USH2A: variants seen among roughly 807,000 people sequenced by gnomAD.
USH2A encodes usherin.
In USH2A, 443 loss-of-function variants were observed where a neutral mutation model predicts 538.9. That is an observed-to-expected ratio of 0.82 (90% CI 0.76 to 0.89). The LOEUF (loss-of-function observed/expected upper bound fraction) is 0.89. Ranked by LOEUF, USH2A falls within the 40% of genes least tolerant of loss-of-function variation. The pLI is 0.00. For missense variants in USH2A, 6,633 were observed against 6,324.8 expected (o/e 1.05, Z -1.65); for synonymous variants, 2,413 against 2,273.5 (o/e 1.06, Z -1.75).
At chr1:216,089,817 TA>T (rs576421594) in intron 22 of USH2A, among the ~76,000 whole-genome samples, 101 of 142,758 alleles carry the variant, frequency 7.1e-4, no homozygotes, top group African/African-American at 1.6e-3. Context: ...GAGGTAAGAA[TA>T]AAAAAAAAAA....
rs138222265 is a variant in USH2A at position 216,162,324 on chromosome 1, T to C, written c.4627+12928A>G. Among the ~76,000 whole-genome samples, 137 of 152,192 alleles carry C rather than the reference T, an allele frequency of 9.0e-4. 3 individuals are homozygous for C. In the East Asian group the frequency reaches 0.022, roughly 25 times the overall value. ...TTCATTTCAGGTATTTTACTTTACA[T>C]ACCATTTTTTCCTATTAATTACTGT... is the stretch of plus-strand genomic sequence containing the variant. On this transcript the variant is annotated intron_variant, in intron 21 of 71. Transcript: ENST00000307340.
At chr1:215,835,399 C>A (rs1446680593) in intron 47 of USH2A, among the ~76,000 whole-genome samples, 3 of 152,000 alleles carry the variant, frequency 2.0e-5, no homozygotes, top group Admixed American at 2.0e-4. Context: ...CTTTTGAGGG[C>A]AGAACTGGGA....
intron 67 of USH2A, 110 bp from the exon 68 acceptor site, chr1:215,640,844 C>CAAAA (rs56212994): frequency 7.5e-4 from 370 of 496,492 alleles, no homozygotes; most frequent in South Asian, 2.4e-3. Flanking sequence ...CCAATCCAAA[C>CAAAA]AAAAAAAAAA....
chr1:216,303,659 T>C (rs1177015836), intron 9 of USH2A, among the ~76,000 whole-genome samples: 1 of 152,004 alleles, frequency 6.6e-6, no homozygotes, highest in Non-Finnish European at 1.5e-5. Context: ...ATTTATATTA[T>C]TTGTTAATTA....
Position 215,741,798 on chromosome 1 carries a change from G to A in USH2A, c.11549-261C>T, listed in dbSNP as rs182983768. Among the ~76,000 whole-genome samples the A allele has an allele frequency of 9.6e-3, 1,457 of 152,136 alleles. 10 individuals carry two copies. The highest frequency in any genetic ancestry group is 0.016 in the Non-Finnish European group (1,106 of 67,964). On this transcript the variant is annotated intron_variant, in intron 59 of 71. Transcript: ENST00000307340. ...TTGTCTGGAAATAAGGAATAATAAG[G>A]AAACTTGTCTGAACTCAAGTTTCTC...
intron 61 of USH2A, among the ~76,000 whole-genome samples, chr1:215,715,220 C>T (rs1044665157): frequency 1.2e-4 from 18 of 152,250 alleles, no homozygotes; most frequent in African/African-American, 3.1e-4. Context: ...CTCCCACTTA[C>T]AAGTGAGAAC....
intron 61 of USH2A, among the ~76,000 whole-genome samples, chr1:215,707,313 CA>C (rs1457581805): frequency 1.3e-5 from 2 of 152,158 alleles, no homozygotes; most frequent in Non-Finnish European, 2.9e-5. Context: ...GCGCTTTAAT[CA>C]AAACAGCAGT....
chr1:215,740,879 A>T (rs1470670164), intron 60 of USH2A, among the ~76,000 whole-genome samples: 1 of 152,142 alleles, frequency 6.6e-6, no homozygotes, highest in Non-Finnish European at 1.5e-5. Flanking sequence ...TAGATCCCCC[A>T]CATGCGCAGT....
At chr1:215,666,785 T>C (rs1197501023) in intron 64 of USH2A, among the ~76,000 whole-genome samples, 2 of 152,158 alleles carry the variant, frequency 1.3e-5, no homozygotes, top group Non-Finnish European at 2.9e-5. Flanking sequence ...CTATCCAGGC[T>C]GCTTGTTAAA....
At position 215,888,755 on chromosome 1, in the gene USH2A, G is replaced by A. The variant is rs751512528; in HGVS notation, c.7894C>T (p.Leu2632=). Residue 2632 remains leucine (L), a synonymous_variant, in exon 41 of 72, where the codon CTG becomes TTG. Coordinates refer to ENST00000307340, the MANE Select transcript of USH2A (RefSeq NM_206933.4). ...GAPEGIPSPE[L]FSDTPTSVII... is the part of the protein sequence containing the mutation. ...ACAGATGTTGGAGTATCAGAGAACA[G>A]CTCTGGACTTGGGATCCCTTCCGGT... The A allele has an allele frequency of 6.2e-7, 1 of 1,614,152 alleles. No individual in the cohort carries two copies. The highest frequency in any genetic ancestry group is 1.7e-5 in the Admixed American group (1 of 60,018).
At chr1:215,946,695 G>C (rs991848905) in intron 37 of USH2A, among the ~76,000 whole-genome samples, 2 of 152,054 alleles carry the variant, frequency 1.3e-5, no homozygotes, top group African/African-American at 4.8e-5. Context: ...TCCACATATG[G>C]CTATTGAGCA....
At chr1:215,823,332 T>G (rs1663066682) in intron 47 of USH2A, among the ~76,000 whole-genome samples, 3 of 152,100 alleles carry the variant, frequency 2.0e-5, no homozygotes, top group Admixed American at 2.0e-4. Flanking sequence ...GGCATTTGTT[T>G]TTTTATTTCA....
intron 14 of USH2A, among the ~76,000 whole-genome samples, 161 bp downstream of exon 14, chr1:216,231,792 A>T (rs1277169850): frequency 6.6e-6 from 1 of 152,120 alleles, no homozygotes; most frequent in Non-Finnish European, 1.5e-5. Flanking sequence ...GGACCTCGTG[A>T]TCCGCCTGCC....
chr1:215,710,673 G>A (rs1442685484), intron 61 of USH2A, among the ~76,000 whole-genome samples: 1 of 152,046 alleles, frequency 6.6e-6, no homozygotes, highest in East Asian at 1.9e-4. Flanking sequence ...TTTCCGTTCA[G>A]AAACATTTAC....
intron 3 of USH2A, among the ~76,000 whole-genome samples, chr1:216,405,449 AG>A (rs2039379800): frequency 6.6e-6 from 1 of 152,244 alleles, no homozygotes; most frequent in African/African-American, 2.4e-5. Context: ...GAACACCATT[AG>A]TCATTAAAGA....
intron 47 of USH2A, among the ~76,000 whole-genome samples, chr1:215,834,758 T>C (rs1470207420): frequency 6.6e-6 from 1 of 151,964 alleles, no homozygotes; most frequent in East Asian, 1.9e-4. Flanking sequence ...GGTTCTGGGA[T>C]ACTTTCTTGT....
intron 21 of USH2A, among the ~76,000 whole-genome samples, chr1:216,163,239 G>C (rs1471037348): frequency 6.6e-6 from 1 of 151,744 alleles, no homozygotes; most frequent in Non-Finnish European, 1.5e-5. Flanking sequence ...CTACTGAGTT[G>C]CTAACTTCAG....
At chr1:216,286,878 G>C (rs1367175948) in intron 11 of USH2A, among the ~76,000 whole-genome samples, 1 of 152,118 alleles carries the variant, frequency 6.6e-6, no homozygotes, top group Non-Finnish European at 1.5e-5. Flanking sequence ...ACTTTAAAGA[G>C]TAATTAACAC....
Position 216,084,748 on chromosome 1 carries a change from C to T in USH2A, c.5117G>A (p.Trp1706Ter). 6.2e-7 allele frequency: 1 copy of T among 1,613,468 alleles called. No homozygotes were observed. Among genetic ancestry groups the T allele is most frequent in the Non-Finnish European group, 8.5e-7 (1 of 1,179,650 alleles). Residue 1706 changes from tryptophan to a stop codon, truncating the protein, a stop_gained, in exon 25 of 72, where the codon TGG (tryptophan) becomes TAG (stop). Transcript: ENST00000307340. LOFTEE classifies it high-confidence loss of function. ...SEEQINVYNS[W>*]EGCPASLNEG... The stretch of plus-strand genomic sequence containing the variant: ...ATTTAATGAAGCGGGACATCCCTCC[C>T]AGCTGTTATACACGTTGATTTGTTC...
Sources: gnomAD v4.1 joint callset for allele counts (sites outside exome capture counted in the v4.1 genomes callset) on GRCh38, gnomAD v4.1.1 for gene constraint, MANE v1.5 for transcripts, NCBI Gene and HGNC (gene_info 2026-07-23, HGNC 2026-07-21) for gene names.